The following DOCK4 variants were observed in gnomAD, a reference collection of about 807,000 sequenced individuals.
DOCK4 encodes dedicator of cytokinesis protein 4.
In DOCK4, 97 loss-of-function variants were observed where a neutral mutation model predicts 268.1. The observed-to-expected ratio is 0.36, with a 90% CI of 0.31 to 0.43. The LOEUF is 0.43. Among genes scored for constraint, DOCK4 ranks in the 20% least tolerant of loss-of-function variants. The pLI is 1.00. For synonymous variants in DOCK4, 954 were observed against 887.2 expected, an observed-to-expected ratio of 1.08 and a Z score of -1.34; for missense variants, 2,145 against 2,455.7, an observed-to-expected ratio of 0.87 and a Z score of 2.67.
chr7:111,863,581 C>T lies in DOCK4; in HGVS notation c.2281-17G>A, dbSNP rs749472009. 7 of 1,576,576 alleles carry T rather than the reference C, an allele frequency of 4.4e-6. No homozygotes were observed. The highest frequency in any genetic ancestry group is 3.5e-5 in the South Asian group (3 of 86,008). ...AAACACAGCCTTAAAAAGAAGAAGA[C>T]ATTTAAATCAACTCCCAGATACGCC... On this transcript the variant is annotated splice_polypyrimidine_tract_variant and intron_variant, in intron 22 of 52. Coordinates refer to ENST00000428084, the MANE Select transcript of DOCK4 (RefSeq NM_001363540.2).
intron 27 of DOCK4, among the ~76,000 whole-genome samples, chr7:111,817,704 A>G (rs1388949655): frequency 1.3e-5 from 2 of 152,148 alleles, no homozygotes; most frequent in Non-Finnish European, 2.9e-5. Context: ...CTTTAGCACC[A>G]ATATTTCTGT....
chr7:111,869,973 C>T (rs1236209715), intron 20 of DOCK4, among the ~76,000 whole-genome samples: 3 of 152,228 alleles, frequency 2.0e-5, no homozygotes, highest in African/African-American at 7.2e-5. Flanking sequence ...AGTGTGAGTG[C>T]CATGGTCAAT....
chr7:112,080,124 T>C (rs1219919489), intron 1 of DOCK4, among the ~76,000 whole-genome samples: 1 of 152,144 alleles, frequency 6.6e-6, no homozygotes, highest in Admixed American at 6.5e-5. Flanking sequence ...GAATCAGTAT[T>C]CTAATTTACC....
chr7:111,976,996 T>G, intron 8 of DOCK4, 136 bp downstream of exon 8: 1 of 1,020,310 alleles, frequency 9.8e-7, no homozygotes. Flanking sequence ...GCTTAGAAAC[T>G]CAGAGTTCTA....
At chr7:112,124,025 A>T (rs1329940535) in intron 1 of DOCK4, among the ~76,000 whole-genome samples, 6 of 151,932 alleles carry the variant, frequency 3.9e-5, no homozygotes, top group Admixed American at 1.3e-4. Context: ...AAGAAACTAA[A>T]AACTTTTTTT....
rs1362997676 is a variant in DOCK4 at position 111,736,850 on chromosome 7, G to A, written c.5305+67C>T. 4 of 1,390,042 alleles carry A rather than the reference G, an allele frequency of 2.9e-6. No individual in the cohort carries two copies. The African/African-American group carries it at 5.7e-5, about 20-fold the overall frequency. The allele number at this position is 1,390,042 out of a possible 1,614,324, so 86.1% of individuals were successfully genotyped here. A position where few individuals can be genotyped will look rare whatever the true frequency, so the allele number is the denominator to read the frequency against. On this transcript the variant is annotated intron_variant, in intron 50 of 52. Coordinates refer to ENST00000428084, the MANE Select transcript of DOCK4 (RefSeq NM_001363540.2). ...CTGCTTTCCACACAGACACACAGAA[G>A]ACTGGAGAACATGAGGATAAAACAA...
chr7:111,934,517 GTTTTTGTTTTTTT>G (rs1346002733), intron 12 of DOCK4, among the ~76,000 whole-genome samples: 2 of 89,472 alleles, frequency 2.2e-5, no homozygotes, highest in Non-Finnish European at 4.6e-5. Context: ...GTTTTGTTTT[GTTTTTGTTTTTTT>G]TTTTTTTTTT....
At chr7:111,923,614 C>T (rs1265221317) in intron 12 of DOCK4, among the ~76,000 whole-genome samples, 1 of 152,086 alleles carries the variant, frequency 6.6e-6, no homozygotes, top group African/African-American at 2.4e-5. Context: ...TAACTTTATC[C>T]TACTTAATAA....
At chr7:111,735,340 A>G (rs1267746939) in intron 50 of DOCK4, among the ~76,000 whole-genome samples, 173 bp from the exon 51 acceptor site, 3 of 152,264 alleles carry the variant, frequency 2.0e-5, no homozygotes, top group Admixed American at 6.5e-5. Flanking sequence ...TAACAGTTAT[A>G]GTTACCATTT....
intron 35 of DOCK4, among the ~76,000 whole-genome samples, chr7:111,778,753 T>G (rs992863044): frequency 6.6e-6 from 1 of 152,116 alleles, no homozygotes; most frequent in Non-Finnish European, 1.5e-5. Flanking sequence ...CAAAGCTATT[T>G]TGCTCTAAAG....
chr7:112,124,025 A>C (rs1329940535), intron 1 of DOCK4, among the ~76,000 whole-genome samples: 1 of 151,932 alleles, frequency 6.6e-6, no homozygotes, highest in Non-Finnish European at 1.5e-5. Context: ...AAGAAACTAA[A>C]AACTTTTTTT....
At chr7:111,932,531 C>T (rs564376144) in intron 12 of DOCK4, among the ~76,000 whole-genome samples, 2 of 152,146 alleles carry the variant, frequency 1.3e-5, no homozygotes, top group South Asian at 4.2e-4. Context: ...AGCCTTTAAA[C>T]AGAGCCTGGA....
chr7:111,973,817 G>A (rs536436897), intron 8 of DOCK4, among the ~76,000 whole-genome samples: 1 of 151,894 alleles, frequency 6.6e-6, no homozygotes, highest in African/African-American at 2.4e-5. Context: ...CTGGTGGAGG[G>A]TACATAAGGG....
Position 111,728,483 on chromosome 7 carries a change from T to C in DOCK4, c.5719A>G (p.Lys1907Glu), listed in dbSNP as rs772358230. The C allele has an allele frequency of 3.7e-6, 6 of 1,612,710 alleles. No individual in the cohort carries two copies. Among genetic ancestry groups the C allele is most frequent in the Non-Finnish European group, 5.1e-6 (6 of 1,179,528 alleles). ...TAGACGCTGTACGGGGGCGGAGTCT[T>C]GCTCTCCTTGCGCACTGGCTCCTCC... The part of the protein sequence containing the change: ...GGEEPVRKES[K>E]TPPPYSVYER... Residue 1907 changes from lysine to glutamate, a missense_variant, in exon 53 of 53, where the codon AAG becomes GAG. Lys to Glu is a moderately conservative substitution (Grantham distance 56, BLOSUM62 1). This residue lies in a region of DOCK4 where 547 missense variants were observed against 469.0 expected (regional missense o/e 1.17). Coordinates refer to ENST00000428084, the MANE Select transcript of DOCK4 (RefSeq NM_001363540.2).
chr7:111,820,484 C>T (rs941789250), intron 27 of DOCK4: 1 of 152,198 alleles, frequency 6.6e-6, no homozygotes, highest in Admixed American at 6.5e-5. Context: ...AATCATCTTC[C>T]TATTTGGTTA....
chr7:111,735,252 C>G (rs77158426), intron 50 of DOCK4, 85 bp from the exon 51 acceptor site: 1 of 933,636 alleles, frequency 1.1e-6, no homozygotes, highest in South Asian at 1.9e-5. Flanking sequence ...TCAGAATTAT[C>G]CAGAATGAAA....
intron 36 of DOCK4, among the ~76,000 whole-genome samples, chr7:111,777,225 C>T (rs1798500552): frequency 6.6e-6 from 1 of 152,124 alleles, no homozygotes; most frequent in African/African-American, 2.4e-5. Flanking sequence ...GAACTGTTCA[C>T]CTACAATACT....
rs1794750247 is a variant in DOCK4, at chr7:111,727,856, G to A, written c.*418C>T. ...TATTTACAGAAGTCTTCTAAAATAA[G>A]GACCACTGTGTTAGGATGTGCACTG... is the stretch of plus-strand genomic sequence containing the variant. On this transcript the variant is annotated 3_prime_UTR_variant, in exon 53 of 53. Transcript: ENST00000428084. The A allele has an allele frequency of 6.4e-6, 1 of 157,242 alleles. No homozygotes were observed. Among genetic ancestry groups the A allele is most frequent in the Non-Finnish European group, 1.4e-5 (1 of 71,744 alleles). 9.7% of individuals were successfully genotyped at this position (157,242 alleles called of 1,614,324 possible).
In DOCK4 at chr7:111,746,339, C is replaced by A; in HGVS notation, c.4672G>T (p.Glu1558Ter). ...KIARLRELML[E>*]QAQILEFGLA... The stretch of plus-strand genomic sequence containing the variant: ...TTGGCTTCTGCTTCCCTTACCTGCT[C>A]AAGCATCAGCTCTCTTAATCGTGCA... The change falls in exon 44 of 53, where the codon GAG becomes TAG. Residue 1558 changes from glutamate (E) to a stop codon, truncating the protein, a stop_gained. Coordinates refer to ENST00000428084, the MANE Select transcript of DOCK4 (RefSeq NM_001363540.2). LOFTEE classifies it high-confidence loss of function. The A allele has an allele frequency of 6.2e-7, 1 of 1,612,336 alleles. No homozygotes were observed. The highest frequency in any genetic ancestry group is 1.1e-5 in the South Asian group (1 of 90,506).
Sources: allele counts gnomAD v4.1 joint callset (sites outside exome capture counted in the v4.1 genomes callset), GRCh38; gene constraint gnomAD v4.1.1; regional missense constraint gnomAD v4.1.1; transcripts MANE v1.5; gene names NCBI Gene and HGNC (gene_info 2026-07-23, HGNC 2026-07-21).